GPC5: variants seen among roughly 807,000 people sequenced by gnomAD.
The protein encoded by GPC5 is glypican-5.
In GPC5, 47 loss-of-function variants were observed where a neutral mutation model predicts 53.9. That is an observed-to-expected ratio of 0.87 (90% confidence interval 0.69 to 1.11). The LOEUF (loss-of-function observed/expected upper bound fraction) is 1.11. Ranked by LOEUF, GPC5 falls within the 50% of genes most tolerant of loss-of-function variation. The pLI is 0.00. For synonymous variants in GPC5, 286 were observed against 263.3 expected (o/e 1.09, Z -0.84); for missense variants, 748 against 713.1 (o/e 1.05, Z -0.56).
chr13:91,646,439 A>T (rs907812427), intron 2 of GPC5, among the ~76,000 whole-genome samples: 1 of 151,986 alleles, frequency 6.6e-6, no homozygotes, highest in Non-Finnish European at 1.5e-5. Context: ...CAGAAAATTA[A>T]ATATGATTAT....
Position 91,406,915 on chromosome 13 carries a change from C to T in GPC5, c.163+7706C>T, listed in dbSNP as rs77245460. Among the ~76,000 whole-genome samples, 1,384 of 152,242 alleles carry T rather than the reference C, an allele frequency of 9.1e-3. 18 individuals are homozygous for T. The highest frequency in any genetic ancestry group is 0.032 in the African/African-American group (1,317 of 41,548). ...ATCCTGAAACTCACCACGTATGGGT[C>T]AATACTTATTTCTAATGGAAGGTAG... On this transcript the variant is annotated intron_variant, in intron 1 of 7. Coordinates refer to ENST00000377067, the MANE Select transcript of GPC5 (RefSeq NM_004466.6).
rs551307852 is a variant in GPC5, at chr13:92,126,451, G to A, written c.1402-18379G>A. Among the ~76,000 whole-genome samples, 4 of 152,266 alleles carry A rather than the reference G, an allele frequency of 2.6e-5. No individual in the cohort carries two copies. In the South Asian group the frequency reaches 8.3e-4, roughly 32 times the overall value. ...AGTTTGTTGAAGTAGTGAGATGATTGATTTTATTTTTAAGTAATAAGTAAT... is the reference window on the plus strand; with the variant it reads ...AGTTTGTTGAAGTAGTGAGATGATTAATTTTATTTTTAAGTAATAAGTAAT... On this transcript the variant is annotated intron_variant, in intron 6 of 7. Transcript: ENST00000377067.
At chr13:92,149,784 A>C (rs1032954791) in intron 7 of GPC5, among the ~76,000 whole-genome samples, 1 of 152,034 alleles carries the variant, frequency 6.6e-6, no homozygotes, top group Non-Finnish European at 1.5e-5. Context: ...AGGAGACCTT[A>C]AAAAGATGTT....
At chr13:92,216,416 A>G (rs1314295758) in intron 7 of GPC5, among the ~76,000 whole-genome samples, 4 of 152,112 alleles carry the variant, frequency 2.6e-5, no homozygotes, top group African/African-American at 4.8e-5. Flanking sequence ...CCAACTGACT[A>G]AAGTTAGGGG....
chr13:92,284,304 T>C (rs9516041), intron 7 of GPC5, among the ~76,000 whole-genome samples: 13,006 of 152,178 alleles, frequency 0.085, 618 homozygotes, highest in Middle Eastern at 0.12. Flanking sequence ...CGAGTTCTAC[T>C]AGAGGTACAA....
In GPC5 at chr13:92,560,609, C is replaced by T. The variant is rs141453684; in HGVS notation, c.1562-305673C>T. 2.2e-4 allele frequency among the ~76,000 whole-genome samples: 34 copies of T among 152,106 alleles called. No homozygotes were observed. The East Asian group carries it at 5.8e-3, about 26-fold the overall frequency. On this transcript the variant is annotated intron_variant, in intron 7 of 7. Transcript: ENST00000377067. Reference sequence around the variant, plus strand: ...TCCCCGGCATATACATTGGCAACATCACTCATAGATGAGACTCCATACCAG... The same window carrying T: ...TCCCCGGCATATACATTGGCAACATTACTCATAGATGAGACTCCATACCAG...
chr13:91,508,759 T>G (rs1346994451), intron 2 of GPC5, among the ~76,000 whole-genome samples: 1 of 152,130 alleles, frequency 6.6e-6, no homozygotes, highest in African/African-American at 2.4e-5. Context: ...AAAAGTAACA[T>G]AAAAATATAA....
chr13:92,667,715 G>A (rs61975933), intron 7 of GPC5, among the ~76,000 whole-genome samples: 33,595 of 151,980 alleles, frequency 0.22, 4,378 homozygotes, highest in South Asian at 0.36. Context: ...AGGTATTTGC[G>A]GACACGCTTG....
intron 6 of GPC5, among the ~76,000 whole-genome samples, chr13:91,931,475 G>A (rs1436914754): frequency 1.3e-5 from 2 of 152,072 alleles, no homozygotes; most frequent in African/African-American, 4.8e-5. Flanking sequence ...AATTTACACA[G>A]AAGCCCAACG....
At chr13:91,920,997 G>C (rs1052316307) in intron 6 of GPC5, among the ~76,000 whole-genome samples, 1 of 139,152 alleles carries the variant, frequency 7.2e-6, no homozygotes, top group African/African-American at 2.8e-5. Context: ...GAGTCCACTG[G>C]TGGGATCCTG....
intron 5 of GPC5, among the ~76,000 whole-genome samples, chr13:91,859,708 G>A (rs1191796122): frequency 6.8e-6 from 1 of 147,346 alleles, no homozygotes; most frequent in Non-Finnish European, 1.5e-5. Context: ...TTTTCACTTT[G>A]TGAATTTACT....
intron 7 of GPC5, among the ~76,000 whole-genome samples, chr13:92,438,724 T>A (rs1036668193): frequency 1.3e-5 from 2 of 152,006 alleles, no homozygotes; most frequent in African/African-American, 2.4e-5. Flanking sequence ...AGGATGTCTG[T>A]AAGTTGACAT....
intron 7 of GPC5, among the ~76,000 whole-genome samples, chr13:92,529,627 T>C (rs1176287143): frequency 6.6e-6 from 1 of 152,150 alleles, no homozygotes; most frequent in Non-Finnish European, 1.5e-5. Flanking sequence ...CCTCCAGAAT[T>C]CTGATCACAG....
At chr13:92,599,036 TATC>T (rs1883964691) in intron 7 of GPC5, among the ~76,000 whole-genome samples, 1 of 152,208 alleles carries the variant, frequency 6.6e-6, no homozygotes, top group South Asian at 2.1e-4. Context: ...ACACAATTAT[TATC>T]ATCATCCAAG....
intron 7 of GPC5, among the ~76,000 whole-genome samples, chr13:92,258,822 A>T (rs2042745013): frequency 6.6e-6 from 1 of 152,170 alleles, no homozygotes; most frequent in East Asian, 1.9e-4. Flanking sequence ...ATGCACCTGT[A>T]GTCCCAACTA....
intron 6 of GPC5, among the ~76,000 whole-genome samples, chr13:92,024,539 C>T (rs997301954): frequency 1.3e-5 from 2 of 152,060 alleles, no homozygotes; most frequent in African/African-American, 4.8e-5. Flanking sequence ...TGTTTCTATT[C>T]TTATCTCACA....
chr13:92,398,586 C>G (rs1240658609), intron 7 of GPC5, among the ~76,000 whole-genome samples: 1 of 151,960 alleles, frequency 6.6e-6, no homozygotes, highest in African/African-American at 2.4e-5. Flanking sequence ...CACAGCTGTG[C>G]TTTTTACTTT....
intron 7 of GPC5, among the ~76,000 whole-genome samples, chr13:92,327,410 G>C (rs140485051): frequency 6.6e-6 from 1 of 152,078 alleles, no homozygotes. Context: ...GACTTGTCTA[G>C]TTCAGGAAAT....
At chr13:92,106,747 C>T (rs565750773) in intron 6 of GPC5, among the ~76,000 whole-genome samples, 28 of 152,140 alleles carry the variant, frequency 1.8e-4, no homozygotes, top group Non-Finnish European at 2.9e-4. Context: ...GGCTTCCATT[C>T]GCTCTATGGA....
Sources: allele counts gnomAD v4.1 joint callset (sites outside exome capture counted in the v4.1 genomes callset), GRCh38; gene constraint gnomAD v4.1.1; transcripts MANE v1.5; gene names NCBI Gene and HGNC (gene_info 2026-07-23, HGNC 2026-07-21).